The following SCAMP3 variants were observed in gnomAD, a reference collection of about 807,000 sequenced individuals.
SCAMP3 encodes secretory carrier-associated membrane protein 3.
Under a neutral mutation model 44.1 loss-of-function variants are expected in SCAMP3, and 30 were observed. The ratio of observed to expected loss-of-function variants is 0.68; its 90% CI spans 0.51 to 0.92. SCAMP3 has a LOEUF of 0.92. Ranked by LOEUF, SCAMP3 falls within the 40% of genes least tolerant of loss-of-function variation. SCAMP3 has a pLI of 0.00. For missense variants in SCAMP3, 394 were observed against 440.0 expected (o/e 0.90, Z 0.93); for synonymous variants, 168 against 171.1 (o/e 0.98, Z 0.14).
chr1:155,260,440 G>A lies in SCAMP3; in HGVS notation c.278C>T (p.Ala93Val). 6.2e-7 allele frequency: 1 copy of A among 1,614,144 alleles called. No individual in the cohort carries two copies. The highest frequency in any genetic ancestry group is 8.5e-7 in the Non-Finnish European group (1 of 1,180,028). The change falls in exon 4 of 9, where the codon GCA becomes GTA. Residue 93 changes from alanine (A) to valine (V), a missense_variant. Coordinates refer to ENST00000302631, the MANE Select transcript of SCAMP3 (RefSeq NM_005698.4). ...CTTCAGCAGCTCAGCTGTGGCTGCT[G>A]CAGCTGAGGCCTGCCCAGTGTGAGC... is the stretch of plus-strand genomic sequence containing the variant. ...YGSYSTQASA[A>V]AATAELLKKQ... is the part of the protein sequence containing the mutation.
In SCAMP3 at chr1:155,258,868, C is replaced by A; in HGVS notation, c.475G>T (p.Glu159Ter). ...ATGGTGGATACAGTCTTCTGAAATTCTTGGGGGATCTCCATGGAGATGTCC... is the reference window on the plus strand; with the variant it reads ...ATGGTGGATACAGTCTTCTGAAATTATTGGGGGATCTCCATGGAGATGTCC... Reference protein sequence around the residue: ...FQDISMEIPQEFQKTVSTMYY... With the variant: ...FQDISMEIPQ Residue 159 changes from glutamate to a stop codon, truncating the protein, a stop_gained, in exon 5 of 9, where the codon GAA becomes TAA. Coordinates refer to ENST00000302631, the MANE Select transcript of SCAMP3 (RefSeq NM_005698.4). LOFTEE classifies it high-confidence loss of function. 6.2e-7 allele frequency: 1 copy of A among 1,613,314 alleles called. No individual in the cohort carries two copies. The highest frequency in any genetic ancestry group is 8.5e-7 in the Non-Finnish European group (1 of 1,179,690).
At chr1:155,260,257 C>G in intron 4 of SCAMP3, 73 bp downstream of exon 4, 1 of 1,580,130 alleles carries the variant, frequency 6.3e-7, no homozygotes, top group Non-Finnish European at 8.6e-7. Context: ...CGCACCCAGC[C>G]GAGCCCAGGC....
chr1:155,256,911 A>C (rs770761340), intron 7 of SCAMP3, 120 bp from the exon 8 acceptor site: 1 of 721,308 alleles, frequency 1.4e-6, no homozygotes, highest in Non-Finnish European at 2.4e-6. Flanking sequence ...ATCGAGCAGC[A>C]TTCCAAGCAC....
chr1:155,260,724 G>C, intron 2 of SCAMP3, 65 bp from the exon 3 acceptor site: 1 of 1,425,918 alleles, frequency 7.0e-7, no homozygotes, highest in Non-Finnish European at 9.6e-7. Context: ...GAGTCTGCTT[G>C]AATACCTTTA....
chr1:155,258,691 G>C, intron 5 of SCAMP3, 135 bp downstream of exon 5: 1 of 776,826 alleles, frequency 1.3e-6, no homozygotes, highest in Non-Finnish European at 2.1e-6. Context: ...TAAAAAGTGG[G>C]GAGAGGGCAA....
Position 155,261,751 on chromosome 1 carries a change from G to A in SCAMP3, c.67-17C>T, listed in dbSNP as rs777851103. The A allele has an allele frequency of 7.4e-6, 12 of 1,612,726 alleles. No homozygotes were observed. Among genetic ancestry groups the A allele is most frequent in the African/African-American group, 4.0e-5 (3 of 74,910 alleles). ...AGCTGGGTCCTGAGGGCAGAGACCCGGGTCTCAGCTGGCACCCAGTGCCAC... is the reference window on the plus strand; with the variant it reads ...AGCTGGGTCCTGAGGGCAGAGACCCAGGTCTCAGCTGGCACCCAGTGCCAC... On this transcript the variant is annotated splice_polypyrimidine_tract_variant and intron_variant, in intron 1 of 8. Coordinates refer to ENST00000302631, the MANE Select transcript of SCAMP3 (RefSeq NM_005698.4).
In SCAMP3 at chr1:155,256,887, G is replaced by A; in HGVS notation, c.780-96C>T. 10 of 878,706 alleles carry A rather than the reference G, an allele frequency of 1.1e-5. No homozygotes were observed. The South Asian group carries it at 1.5e-4, about 13-fold the overall frequency. The allele number at this position is 878,706 out of a possible 1,614,324, so 54.4% of individuals were successfully genotyped here. Reference sequence around the variant, plus strand: ...CCTGTTCCTACCCTTCCCATCAGCAGTGGCTCCCTGTCAATCGAGCAGCAT... The same window carrying A: ...CCTGTTCCTACCCTTCCCATCAGCAATGGCTCCCTGTCAATCGAGCAGCAT... On this transcript the variant is annotated intron_variant, in intron 7 of 8. Transcript: ENST00000302631.
At chr1:155,260,247 C>T (rs1557926536) in intron 4 of SCAMP3, 83 bp downstream of exon 4, 14 of 1,548,536 alleles carry the variant, frequency 9.0e-6, no homozygotes, top group East Asian at 4.5e-5. Context: ...TGTGAGCCAC[C>T]GCACCCAGCC....
chr1:155,260,636 T>A lies in SCAMP3; in HGVS notation c.168A>T (p.Pro56=). The A allele has an allele frequency of 1.2e-6, 2 of 1,613,024 alleles. No homozygotes were observed. The highest frequency in any genetic ancestry group is 1.7e-6 in the Non-Finnish European group (2 of 1,179,432). The change falls in exon 3 of 9, where the codon CCA becomes CCT. Residue 56 remains proline (P), a synonymous_variant. Transcript: ENST00000302631. Reference sequence around the variant, plus strand: ...AGGGTGGAGGCAATGGGGCAGGGGCTGGAGGCTCATAGGCTGGTGGTGGCT... The same window carrying A: ...AGGGTGGAGGCAATGGGGCAGGGGCAGGAGGCTCATAGGCTGGTGGTGGCT... ...TREPPPAYEP[P]APAPLPPPSA...
intron 5 of SCAMP3, 127 bp from the exon 6 acceptor site, chr1:155,257,784 C>A: frequency 1.2e-6 from 1 of 828,084 alleles, no homozygotes. Flanking sequence ...CTGCTGCCTT[C>A]ATGGAATCCT....
At position 155,257,593 on chromosome 1, in the gene SCAMP3, G is replaced by A. The variant is rs748778301; in HGVS notation, c.582C>T (p.Asn194=). Residue 194 remains asparagine, a synonymous_variant, in exon 6 of 9, where the codon AAC becomes AAT. Coordinates refer to ENST00000302631, the MANE Select transcript of SCAMP3 (RefSeq NM_005698.4). ...TAGAAAGCCCAAAGCCTGCGCCATT[G>A]TTGGTTTCCACACAGAAGCTGGCCA... ...ACLASFCVET[N]NGAGFGLSIL... is the part of the protein sequence containing the mutation. The A allele has an allele frequency of 2.5e-6, 4 of 1,594,120 alleles. No homozygotes were observed. Among genetic ancestry groups the A allele is most frequent in the South Asian group, 1.1e-5 (1 of 88,542 alleles).
chr1:155,261,999 A>G (rs1672978597), intron 1 of SCAMP3, 87 bp downstream of exon 1: 11 of 1,344,672 alleles, frequency 8.2e-6, no homozygotes, highest in African/African-American at 1.4e-5. Flanking sequence ...ATCAAATGTC[A>G]CAAATGGGGA....
intron 8 of SCAMP3, 71 bp downstream of exon 8, chr1:155,256,602 TG>T: frequency 1.4e-6 from 2 of 1,447,936 alleles, no homozygotes; most frequent in South Asian, 2.3e-5. Context: ...CAGTTGCTCC[TG>T]AATGTTCCAC....
rs777622730 is a variant in SCAMP3 at position 155,256,782 on chromosome 1, G to T, written c.789C>A (p.Ile263=). 8.7e-6 allele frequency: 14 copies of T among 1,613,748 alleles called. No homozygotes were observed. Among genetic ancestry groups the T allele is most frequent in the Non-Finnish European group, 1.2e-5 (14 of 1,179,748 alleles). Residue 263 remains isoleucine (I), a synonymous_variant, in exon 8 of 9, where the codon ATC becomes ATA. Transcript: ENST00000302631. The part of the protein sequence containing the change: ...GIPGWGFSGW[I]SALVVPKGNT... ...TGCCCTTCGGCACCACCAGAGCAGA[G>T]ATCCAGCCACTGTAAAGGGAAGGAT...
In SCAMP3 at chr1:155,258,939, C is replaced by G; in HGVS notation, c.404G>C (p.Trp135Ser). ...LGGTATRQNN[W>S]PPLPSFCPVQ... ...TGGACAAAAAGAAGGTAGAGGGGGC[C>G]AATTGTTCTGTCGAGCTGTAAGGCA... Residue 135 changes from tryptophan (W) to serine (S), a missense_variant, in exon 5 of 9, where the codon TGG becomes TCG. Physicochemically the swap from Trp to Ser is radical, Grantham distance 177. Transcript: ENST00000302631. 1 of 1,610,770 alleles carries G rather than the reference C, an allele frequency of 6.2e-7. No individual in the cohort carries two copies.
At chr1:155,258,658 A>G in intron 5 of SCAMP3, 168 bp downstream of exon 5, 1 of 651,386 alleles carries the variant, frequency 1.5e-6, no homozygotes, top group South Asian at 2.2e-5. Context: ...AAGAATTCAA[A>G]ATATATTCCT....
In SCAMP3 at chr1:155,256,743, G is replaced by A. The variant is rs1672811328; in HGVS notation, c.828C>T (p.Ser276=). The change falls in exon 8 of 9, where the codon TCC becomes TCT. Residue 276 remains serine, a synonymous_variant. Coordinates refer to ENST00000302631, the MANE Select transcript of SCAMP3 (RefSeq NM_005698.4). ...GCAGGGCGACCAGCAGCATGAGCAC[G>A]GATACTGCTGTGTTGCCCTTCGGCA... ...LVVPKGNTAV[S]VLMLLVALLF... is the part of the protein sequence containing the mutation. The A allele has an allele frequency of 3.7e-6, 6 of 1,614,128 alleles. No homozygotes were observed. Among genetic ancestry groups the A allele is most frequent in the Non-Finnish European group, 3.4e-6 (4 of 1,179,986 alleles).
chr1:155,258,794 T>C (rs778164461), intron 5 of SCAMP3, 32 bp downstream of exon 5: 8 of 1,583,590 alleles, frequency 5.1e-6, no homozygotes, highest in African/African-American at 4.1e-5. Flanking sequence ...GATCTACCTG[T>C]AACTTCCTCC....
chr1:155,261,857 G>A lies in SCAMP3; in HGVS notation c.67-123C>T, dbSNP rs1187039009. The A allele has an allele frequency of 3.2e-6, 3 of 945,730 alleles. No homozygotes were observed. The Admixed American group carries it at 6.1e-5, about 19-fold the overall frequency. 58.6% of individuals were successfully genotyped at this position (945,730 alleles called of 1,614,324 possible). On this transcript the variant is annotated intron_variant, in intron 1 of 8. Coordinates refer to ENST00000302631, the MANE Select transcript of SCAMP3 (RefSeq NM_005698.4). ...CTTCGGGGCCACGCCGTTGTCCCAGGACTGGGACAACATTTACCTCAAATC... is the reference window on the plus strand; with the variant it reads ...CTTCGGGGCCACGCCGTTGTCCCAGAACTGGGACAACATTTACCTCAAATC...
Sources: gnomAD v4.1 joint callset for allele counts on GRCh38, gnomAD v4.1.1 for gene constraint, MANE v1.5 for transcripts, NCBI Gene and HGNC (gene_info 2026-07-23, HGNC 2026-07-21) for gene names.